The following CDH8 variants were observed in gnomAD, a reference collection of about 807,000 sequenced individuals.
The protein encoded by CDH8 is cadherin-8.
In CDH8, 17 loss-of-function variants were observed where a neutral mutation model predicts 68.1. That is an observed-to-expected ratio of 0.25 (90% CI 0.17 to 0.37). The LOEUF (loss-of-function observed/expected upper bound fraction) is 0.37. CDH8 is among the 10% of genes least tolerant of loss of function. CDH8 has a pLI of 1.00. For synonymous variants in CDH8, 372 were observed against 365.1 expected (o/e 1.02, Z -0.21); for missense variants, 763 against 999.3 (o/e 0.76, Z 3.19).
intron 2 of CDH8, among the ~76,000 whole-genome samples, chr16:62,007,967 T>C (rs566725143): frequency 6.6e-6 from 1 of 152,258 alleles, no homozygotes; most frequent in East Asian, 1.9e-4. Flanking sequence ...ATTATTATTT[T>C]TTTGAGTCAG....
rs1379971665 is a variant in CDH8 at position 61,649,043 on chromosome 16, G to T, written c.*4565C>A. The T allele has an allele frequency of 6.6e-6, 1 of 151,956 alleles. No homozygotes were observed. The highest frequency in any genetic ancestry group is 1.5e-5 in the Non-Finnish European group (1 of 67,912). The allele number at this position is 151,956 out of a possible 1,614,324, so 9.4% of individuals were successfully genotyped here. ...TTCAACACTGTTTGGCTGAGTAACA[G>T]TGCAAAGACACTTTTTATAGCAAAT... On this transcript the variant is annotated 3_prime_UTR_variant, in exon 12 of 12. Coordinates refer to ENST00000577390, the MANE Select transcript of CDH8 (RefSeq NM_001796.5).
intron 8 of CDH8, among the ~76,000 whole-genome samples, chr16:61,779,554 G>A (rs1045003699): frequency 2.0e-5 from 3 of 149,678 alleles, no homozygotes; most frequent in Non-Finnish European, 3.0e-5. Context: ...GGTCTCAAAC[G>A]AAATCTGGAC....
intron 8 of CDH8, among the ~76,000 whole-genome samples, chr16:61,782,874 G>C (rs565265411): frequency 3.9e-5 from 6 of 152,278 alleles, no homozygotes; most frequent in African/African-American, 7.2e-5. Flanking sequence ...CTGCAGCTGA[G>C]GGTCCTGTGT....
At chr16:61,919,005 A>AG (rs1555521196) in intron 2 of CDH8, among the ~76,000 whole-genome samples, 2 of 147,248 alleles carry the variant, frequency 1.4e-5, no homozygotes, top group Non-Finnish European at 3.0e-5. Context: ...TGGGTCCCTG[A>AG]CCCTGACCCC....
intron 3 of CDH8, among the ~76,000 whole-genome samples, chr16:61,865,343 A>G (rs998826454): frequency 2.6e-5 from 4 of 152,248 alleles, no homozygotes; most frequent in African/African-American, 9.6e-5. Context: ...TTGTGTTTTT[A>G]GAATGAGCCT....
chr16:61,920,405 A>G (rs953826003), intron 2 of CDH8, among the ~76,000 whole-genome samples: 56 of 149,220 alleles, frequency 3.8e-4, no homozygotes, highest in African/African-American at 1.2e-3. Flanking sequence ...ACAAATTTAC[A>G]AGAAAAAAAC....
chr16:61,821,156 C>T (rs1962207228), intron 5 of CDH8, 43 bp from the exon 6 acceptor site: 1 of 1,497,472 alleles, frequency 6.7e-7, no homozygotes, highest in Non-Finnish European at 9.1e-7. Context: ...CAAATTCCAA[C>T]CATTCATTCA....
At chr16:61,829,121 T>C (rs946347920) in intron 4 of CDH8, among the ~76,000 whole-genome samples, 2 of 151,796 alleles carry the variant, frequency 1.3e-5, no homozygotes, top group Non-Finnish European at 2.9e-5. Flanking sequence ...CCAATATACA[T>C]TAACCTAGGA....
At chr16:61,659,884 A>G (rs1012723376) in intron 10 of CDH8, among the ~76,000 whole-genome samples, 3 of 152,298 alleles carry the variant, frequency 2.0e-5, no homozygotes, top group Non-Finnish European at 2.9e-5. Flanking sequence ...AAGGAGATCA[A>G]ATTTGAATGG....
intron 3 of CDH8, among the ~76,000 whole-genome samples, chr16:61,899,514 G>C (rs917688777): frequency 2.0e-5 from 3 of 152,010 alleles, no homozygotes; most frequent in Non-Finnish European, 2.9e-5. Context: ...GGGATAAAGA[G>C]AAGAAGAAAC....
At chr16:61,771,124 T>C (rs1960766328) in intron 8 of CDH8, among the ~76,000 whole-genome samples, 1 of 151,960 alleles carries the variant, frequency 6.6e-6, no homozygotes, top group Non-Finnish European at 1.5e-5. Context: ...AATCCATGTC[T>C]AACCAATCAT....
rs769050652 is a variant in CDH8, at chr16:61,655,650, T to C, written c.1726A>G (p.Ile576Val). ...RQKQEVYLLP[I>V]IISDSGNPPL... Reference sequence around the variant, plus strand: ...GGATTTCCACTATCACTGATTATGATTGGTAAAAGATAGACTTCTTGCTTC... The same window carrying C: ...GGATTTCCACTATCACTGATTATGACTGGTAAAAGATAGACTTCTTGCTTC... Residue 576 changes from isoleucine (I) to valine (V), a missense_variant, in exon 11 of 12, where the codon ATC (isoleucine) becomes GTC (valine). Physicochemically the swap from Ile to Val is conservative, Grantham distance 29 (BLOSUM62 3). Coordinates refer to ENST00000577390, the MANE Select transcript of CDH8 (RefSeq NM_001796.5). 4 of 1,614,100 alleles carry C rather than the reference T, an allele frequency of 2.5e-6. No homozygotes were observed. Among genetic ancestry groups the C allele is most frequent in the Non-Finnish European group, 3.4e-6 (4 of 1,179,952 alleles).
chr16:61,857,333 G>T (rs1023030779), intron 3 of CDH8, 95 bp from the exon 4 acceptor site: 5 of 1,090,248 alleles, frequency 4.6e-6, no homozygotes, highest in African/African-American at 3.2e-5. Flanking sequence ...AAATCCATGT[G>T]TAGGGAATAA....
intron 7 of CDH8, among the ~76,000 whole-genome samples, chr16:61,803,278 T>C (rs541326096): frequency 7.6e-6 from 1 of 131,460 alleles, no homozygotes; most frequent in Non-Finnish European, 1.6e-5. Flanking sequence ...AGAGACTTGG[T>C]CACCACTAGG....
Position 61,653,700 on chromosome 16 carries a change from C to A in CDH8, c.2308G>T (p.Asp770Tyr), listed in dbSNP as rs748669555. 4.3e-6 allele frequency: 7 copies of A among 1,614,086 alleles called. No individual in the cohort carries two copies. The highest frequency in any genetic ancestry group is 5.1e-6 in the Non-Finnish European group (6 of 1,180,058). Residue 770 changes from aspartate to tyrosine, a missense_variant, in exon 12 of 12, where the codon GAC becomes TAC. Coordinates refer to ENST00000577390, the MANE Select transcript of CDH8 (RefSeq NM_001796.5). ...SSLESTTSDSDQNFDYLSDWG... is the reference protein window; with the variant it reads ...SSLESTTSDSYQNFDYLSDWG... ...TCACTGAGGTAGTCAAAATTCTGGT[C>A]TGAGTCTGATGTGGTGGACTCCAAG...
intron 8 of CDH8, among the ~76,000 whole-genome samples, chr16:61,788,191 A>C (rs1219763703): frequency 6.6e-6 from 1 of 151,932 alleles, no homozygotes; most frequent in Non-Finnish European, 1.5e-5. Flanking sequence ...TCCTCACATC[A>C]CAAAACCAGA....
intron 2 of CDH8, among the ~76,000 whole-genome samples, chr16:61,989,077 A>T (rs1567558429): frequency 6.6e-6 from 1 of 152,194 alleles, no homozygotes; most frequent in Non-Finnish European, 1.5e-5. Context: ...TCCTTTGATT[A>T]TGTGAGACTT....
chr16:61,655,603 G>T lies in CDH8; in HGVS notation c.1773C>A (p.Thr591=), dbSNP rs1963427431. ...SGNPPLSSTS[T]LTIRVCGCSN... is the part of the protein sequence containing the mutation. ...TGCAGCCACAGACCCTGATTGTCAA[G>T]GTGCTAGTGCTGCTCAGTGGAGGAT... Residue 591 remains threonine (T), a synonymous_variant, in exon 11 of 12, where the codon ACC becomes ACA. Transcript: ENST00000577390. The T allele has an allele frequency of 6.2e-7, 1 of 1,614,176 alleles. No individual in the cohort carries two copies. The highest frequency in any genetic ancestry group is 8.5e-7 in the Non-Finnish European group (1 of 1,180,024).
chr16:61,817,215 T>C (rs574401971), intron 7 of CDH8, among the ~76,000 whole-genome samples: 10 of 152,248 alleles, frequency 6.6e-5, no homozygotes, highest in African/African-American at 2.4e-4. Context: ...TGCATTTTCA[T>C]AGAGCTCTCT....
Sources: gnomAD v4.1 joint callset for allele counts (sites outside exome capture counted in the v4.1 genomes callset) on GRCh38, gnomAD v4.1.1 for gene constraint, MANE v1.5 for transcripts, NCBI Gene and HGNC (gene_info 2026-07-23, HGNC 2026-07-21) for gene names.